Variants in RASGEF1C observed in about 807,000 individuals in gnomAD.
The protein encoded by RASGEF1C is ras-GEF domain-containing family member 1C.
RASGEF1C carries 27 observed loss-of-function variants against 58.1 expected under a neutral mutation model. The observed-to-expected ratio is 0.46, with a 90% CI of 0.34 to 0.64. The LOEUF (loss-of-function observed/expected upper bound fraction) is 0.64, where lower values mean the gene tolerates loss of function less well. Among genes scored for constraint, RASGEF1C ranks in the 30% least tolerant of loss-of-function variants. The probability of loss-of-function intolerance (pLI) is 0.01; values close to 1 mark genes in which losing one functional copy is unlikely to be tolerated. For synonymous variants in RASGEF1C, 243 were observed against 246.3 expected (o/e 0.99, Z 0.13); for missense variants, 502 against 605.1 (o/e 0.83, Z 1.79).
At position 180,108,224 on chromosome 5, in the gene RASGEF1C, CAG is replaced by C. The variant is rs957046195; in HGVS notation, c.1303+3231_1303+3232del. Among the ~76,000 whole-genome samples, 51 of 142,784 alleles carry C rather than the reference CAG, an allele frequency of 3.6e-4. No homozygotes were observed. The Middle Eastern group carries it at 0.012, about 33-fold the overall frequency. 93.7% of individuals were successfully genotyped at this position (142,784 alleles called of 152,430 possible). ...TCTTTCTTTTTTTTTTTTTTTGAGA[CAG>C]AGTCTCACTCCATGGCCTAGGCTGG... On this transcript the variant is annotated intron_variant, in intron 12 of 13. Coordinates refer to ENST00000361132, the MANE Select transcript of RASGEF1C (RefSeq NM_175062.4).
At chr5:180,105,354 A>G (rs1423669919) in intron 12 of RASGEF1C, among the ~76,000 whole-genome samples, 1 of 148,420 alleles carries the variant, frequency 6.7e-6, no homozygotes, top group Non-Finnish European at 1.5e-5. Flanking sequence ...CGAGGTCAGG[A>G]GATGGAGACC....
At chr5:180,118,987 T>G in intron 8 of RASGEF1C, 121 bp from the exon 9 acceptor site, 1 of 900,050 alleles carries the variant, frequency 1.1e-6, no homozygotes, top group Non-Finnish European at 1.8e-6. Context: ...GCCTGTCACA[T>G]GGTGGGTGGG....
intron 4 of RASGEF1C, among the ~76,000 whole-genome samples, chr5:180,132,737 G>A (rs541647542): frequency 1.8e-3 from 273 of 152,282 alleles, no homozygotes; most frequent in African/African-American, 6.2e-3. Context: ...TTGGGAGGCC[G>A]AGGCGGGCAG....
intron 1 of RASGEF1C, among the ~76,000 whole-genome samples, chr5:180,148,822 A>G (rs2113288990): frequency 6.6e-6 from 1 of 152,312 alleles, no homozygotes; most frequent in Middle Eastern, 3.4e-3. Context: ...TTGTTAACAC[A>G]GCTTTGAATT....
At chr5:180,121,672 CA>C (rs1561734525) in intron 6 of RASGEF1C, among the ~76,000 whole-genome samples, 53 of 63,598 alleles carry the variant, frequency 8.3e-4, no homozygotes, top group African/African-American at 7.1e-4. Context: ...CACACACACA[CA>C]CACACACACC....
chr5:180,134,805 T>C, intron 4 of RASGEF1C, among the ~76,000 whole-genome samples: 1 of 18,302 alleles, frequency 5.5e-5, no homozygotes, highest in Admixed American at 5.4e-4. Context: ...AACTGTCAAT[T>C]CACGCATCTA....
At chr5:180,195,510 C>T (rs575486058) in intron 1 of RASGEF1C, among the ~76,000 whole-genome samples, 40 of 152,330 alleles carry the variant, frequency 2.6e-4, no homozygotes, top group Non-Finnish European at 5.1e-4. Context: ...CCTGTAATCC[C>T]AGCACTTTGG....
chr5:180,166,313 G>A (rs1450376977), intron 1 of RASGEF1C, among the ~76,000 whole-genome samples: 2 of 152,090 alleles, frequency 1.3e-5, no homozygotes, highest in Non-Finnish European at 2.9e-5. Context: ...GGACAGAGGA[G>A]TCTATTATAT....
At chr5:180,127,797 C>A in intron 5 of RASGEF1C, 114 bp from the exon 6 acceptor site, 2 of 923,956 alleles carry the variant, frequency 2.2e-6, no homozygotes, top group Non-Finnish European at 3.2e-6. Flanking sequence ...AGTCACTCTG[C>A]AACTGCCCTC....
In RASGEF1C at chr5:180,103,329, G is replaced by A. The variant is rs138783159; in HGVS notation, c.1304-1186C>T. 2.9e-3 allele frequency among the ~76,000 whole-genome samples: 438 copies of A among 152,238 alleles called. 2 individuals carry two copies. Among genetic ancestry groups the A allele is most frequent in the Non-Finnish European group, 4.8e-3 (329 of 68,020 alleles). On this transcript the variant is annotated intron_variant, in intron 12 of 13. Transcript: ENST00000361132. ...CCTGACCTTGTGATCCGCCCGCCTCGGCCTCCCAGAGTGCTGAGATTACAG... is the reference window on the plus strand; with the variant it reads ...CCTGACCTTGTGATCCGCCCGCCTCAGCCTCCCAGAGTGCTGAGATTACAG...
intron 6 of RASGEF1C, among the ~76,000 whole-genome samples, chr5:180,125,825 T>C (rs1017901189): frequency 6.6e-6 from 1 of 152,076 alleles, no homozygotes; most frequent in Admixed American, 6.5e-5. Context: ...ATATAAATAT[T>C]GATAAATATA....
At chr5:180,122,685 G>A (rs1440383445) in intron 6 of RASGEF1C, among the ~76,000 whole-genome samples, 4 of 148,506 alleles carry the variant, frequency 2.7e-5, no homozygotes, top group African/African-American at 7.4e-5. Flanking sequence ...AGGTTGCAGT[G>A]AGCCGAGATT....
chr5:180,169,134 G>A (rs950746499), intron 1 of RASGEF1C, among the ~76,000 whole-genome samples: 1 of 152,058 alleles, frequency 6.6e-6, no homozygotes, highest in African/African-American at 2.4e-5. Flanking sequence ...AATAAATCAC[G>A]TTTGCTTTCA....
chr5:180,124,867 C>T (rs1393040524), intron 6 of RASGEF1C, among the ~76,000 whole-genome samples: 1 of 152,028 alleles, frequency 6.6e-6, no homozygotes, highest in Non-Finnish European at 1.5e-5. Flanking sequence ...TGAGGTGGCT[C>T]ACACCTGTAA....
intron 1 of RASGEF1C, among the ~76,000 whole-genome samples, chr5:180,190,506 A>AAAAAAT (rs1725375939): frequency 6.1e-5 from 6 of 97,570 alleles, no homozygotes; most frequent in African/African-American, 2.2e-4. Flanking sequence ...AAAAAAAAAA[A>AAAAAAT]AATAATAATA....
At chr5:180,126,204 GA>G (rs1766256801) in intron 6 of RASGEF1C, among the ~76,000 whole-genome samples, 3 of 152,144 alleles carry the variant, frequency 2.0e-5, no homozygotes, top group African/African-American at 7.2e-5. Flanking sequence ...TCAGGAGATC[GA>G]GACCATCATG....
chr5:180,101,187 C>A lies in RASGEF1C; in HGVS notation c.*314G>T, dbSNP rs917882324. ...CTCGAGCTTGCAGTGGTCCCACCCT[C>A]TGGGGCAGTGTTGTGTCCTTGCCGA... On this transcript the variant is annotated 3_prime_UTR_variant, in exon 14 of 14. Transcript: ENST00000361132. 2.4e-6 allele frequency: 1 copy of A among 422,936 alleles called. No individual in the cohort carries two copies. Among genetic ancestry groups the A allele is most frequent in the African/African-American group, 2.0e-5 (1 of 50,382 alleles). 26.2% of individuals were successfully genotyped at this position (422,936 alleles called of 1,614,324 possible).
intron 1 of RASGEF1C, among the ~76,000 whole-genome samples, chr5:180,151,434 C>T (rs1034272954): frequency 1.3e-5 from 2 of 152,216 alleles, no homozygotes; most frequent in African/African-American, 4.8e-5. Context: ...ACTATCTGAT[C>T]TTTGACAAAG....
At chr5:180,124,479 T>C (rs1346917891) in intron 6 of RASGEF1C, among the ~76,000 whole-genome samples, 2 of 152,142 alleles carry the variant, frequency 1.3e-5, no homozygotes, top group African/African-American at 4.8e-5. Context: ...AGATAATGAT[T>C]TCATTTATCC....
Sources: allele counts gnomAD v4.1 joint callset (sites outside exome capture counted in the v4.1 genomes callset), GRCh38; gene constraint gnomAD v4.1.1; transcripts MANE v1.5; gene names NCBI Gene and HGNC (gene_info 2026-07-23, HGNC 2026-07-21).